Variants in ASTN2 observed in about 807,000 individuals in gnomAD.
The protein encoded by ASTN2 is astrotactin 2.
ASTN2 carries 54 observed loss-of-function variants against 139.8 expected under a neutral mutation model. That is an observed-to-expected ratio of 0.39 (90% confidence interval 0.31 to 0.48). The LOEUF is 0.48. ASTN2 is among the 20% of genes least tolerant of loss of function. The probability of loss-of-function intolerance (pLI) is 0.95; values close to 1 mark genes in which losing one functional copy is unlikely to be tolerated. For synonymous variants in ASTN2, 756 were observed against 719.5 expected (o/e 1.05, Z -0.81); for missense variants, 1,565 against 1,725.1 (o/e 0.91, Z 1.64).
chr9:117,390,139 C>G (rs1269909852), intron 1 of ASTN2, among the ~76,000 whole-genome samples: 1 of 152,130 alleles, frequency 6.6e-6, no homozygotes, highest in East Asian at 1.9e-4. Context: ...ACAATTTAGC[C>G]TAGGGTAGGG....
At chr9:116,917,131 C>A (rs1834471196) in intron 10 of ASTN2, among the ~76,000 whole-genome samples, 1 of 152,084 alleles carries the variant, frequency 6.6e-6, no homozygotes, top group Non-Finnish European at 1.5e-5. Flanking sequence ...GCCCCAAGAG[C>A]TTTTTCTCAC....
At chr9:117,345,623 C>G (rs982757716) in intron 1 of ASTN2, among the ~76,000 whole-genome samples, 3 of 152,060 alleles carry the variant, frequency 2.0e-5, no homozygotes, top group African/African-American at 7.2e-5. Context: ...TAAACAAAAA[C>G]AAATGCAGGT....
In ASTN2 at chr9:116,423,824, A is replaced by C. The variant is rs1032735010; in HGVS notation, c.*2027T>G. The stretch of plus-strand genomic sequence containing the variant: ...AGTCCTGGGGAAAAAAATGCGCTCA[A>C]TATGTAGGTTATCAGGAAGGGGATT... On this transcript the variant is annotated 3_prime_UTR_variant, in exon 23 of 23. Transcript: ENST00000313400. Among the ~76,000 whole-genome samples, 1 of 152,190 alleles carries C rather than the reference A, an allele frequency of 6.6e-6. No homozygotes were observed. Among genetic ancestry groups the C allele is most frequent in the African/African-American group, 2.4e-5 (1 of 41,426 alleles).
At chr9:117,277,200 A>T (rs184777222) in intron 2 of ASTN2, 1 of 152,332 alleles carries the variant, frequency 6.6e-6, no homozygotes. Context: ...CGCCCCTGCT[A>T]GAACCTCCAA....
At chr9:117,128,779 C>T (rs946250516) in intron 4 of ASTN2, among the ~76,000 whole-genome samples, 2 of 152,232 alleles carry the variant, frequency 1.3e-5, no homozygotes, top group African/African-American at 2.4e-5. Flanking sequence ...ATTGAACTTA[C>T]AGTTCCAGTT....
chr9:117,028,820 T>A (rs768274543), intron 6 of ASTN2, among the ~76,000 whole-genome samples: 2 of 152,110 alleles, frequency 1.3e-5, no homozygotes, highest in Non-Finnish European at 2.9e-5. Flanking sequence ...ACTTGGAAGG[T>A]CATGTCCATC....
At chr9:116,470,213 A>T (rs1362341953) in intron 20 of ASTN2, among the ~76,000 whole-genome samples, 1 of 152,142 alleles carries the variant, frequency 6.6e-6, no homozygotes, top group Non-Finnish European at 1.5e-5. Flanking sequence ...CAAAAATAAA[A>T]ATAAAAAATA....
At chr9:117,042,582 T>C (rs1838609940) in intron 5 of ASTN2, among the ~76,000 whole-genome samples, 1 of 152,132 alleles carries the variant, frequency 6.6e-6, no homozygotes, top group Admixed American at 6.5e-5. Flanking sequence ...AAAATGAACA[T>C]GATTATCTCT....
intron 2 of ASTN2, among the ~76,000 whole-genome samples, chr9:117,276,821 T>G (rs1834202281): frequency 6.6e-6 from 1 of 152,204 alleles, no homozygotes; most frequent in Non-Finnish European, 1.5e-5. Flanking sequence ...AGCTGTGTGG[T>G]CTTGGGCAAG....
intron 16 of ASTN2, among the ~76,000 whole-genome samples, chr9:116,685,933 T>C (rs903757497): frequency 1.3e-5 from 2 of 152,046 alleles, no homozygotes; most frequent in Admixed American, 6.5e-5. Context: ...GTCCTAAATT[T>C]ATACTTTGGG....
intron 19 of ASTN2, among the ~76,000 whole-genome samples, chr9:116,532,306 T>C (rs1392048197): frequency 6.6e-6 from 1 of 152,224 alleles, no homozygotes; most frequent in East Asian, 1.9e-4. Flanking sequence ...TCCCATTCTG[T>C]AGGTTGCTTG....
chr9:117,084,803 T>C (rs932695095), intron 5 of ASTN2, among the ~76,000 whole-genome samples: 6 of 152,240 alleles, frequency 3.9e-5, no homozygotes, highest in African/African-American at 1.4e-4. Flanking sequence ...TTCTCGATGC[T>C]GGCTAATATT....
At chr9:116,899,638 C>G (rs112877530) in intron 10 of ASTN2, among the ~76,000 whole-genome samples, 241 of 152,292 alleles carry the variant, frequency 1.6e-3, no homozygotes, top group African/African-American at 5.6e-3. Context: ...AGGAGGAATT[C>G]AGTTTACAGT....
At chr9:117,149,835 CA>C (rs1830287784) in intron 3 of ASTN2, among the ~76,000 whole-genome samples, 1 of 152,190 alleles carries the variant, frequency 6.6e-6, no homozygotes, top group African/African-American at 2.4e-5. Context: ...TTCCAACTCT[CA>C]GGGGTAAAAA....
chr9:117,363,600 AGAGAG>A (rs1829752561), intron 1 of ASTN2, among the ~76,000 whole-genome samples: 1 of 152,068 alleles, frequency 6.6e-6, no homozygotes, highest in Non-Finnish European at 1.5e-5. Flanking sequence ...ATCAGCAGAT[AGAGAG>A]GACATTTTTG....
intron 16 of ASTN2, among the ~76,000 whole-genome samples, chr9:116,673,872 C>T (rs1028615860): frequency 6.6e-6 from 1 of 152,166 alleles, no homozygotes; most frequent in African/African-American, 2.4e-5. Context: ...ACTGATGAAG[C>T]CACCTTTGCT....
At chr9:117,296,090 C>A (rs899330322) in intron 1 of ASTN2, among the ~76,000 whole-genome samples, 1 of 151,348 alleles carries the variant, frequency 6.6e-6, no homozygotes, top group Non-Finnish European at 1.5e-5. Flanking sequence ...CCAGCCAGGC[C>A]AATATGGTGA....
chr9:116,469,082 A>C (rs1489275888), intron 20 of ASTN2, among the ~76,000 whole-genome samples: 1 of 152,222 alleles, frequency 6.6e-6, no homozygotes, highest in Non-Finnish European at 1.5e-5. Context: ...CGTGAGTTCC[A>C]TGGAAGCAGA....
In ASTN2 at chr9:117,099,356, C is replaced by T. The variant is rs909584587; in HGVS notation, c.1169-3205G>A. Among the ~76,000 whole-genome samples, 6 of 152,158 alleles carry T rather than the reference C, an allele frequency of 3.9e-5. No homozygotes were observed. The South Asian group carries it at 6.2e-4, about 16-fold the overall frequency. ...TTGAAACATTTCAGCAAAATTCTCA[C>T]TCCCTTCCTTCCTTCCAATCTCCAC... On this transcript the variant is annotated intron_variant, in intron 4 of 22. Coordinates refer to ENST00000313400, the MANE Select transcript of ASTN2 (RefSeq NM_001365068.1).
Sources: allele counts gnomAD v4.1 joint callset (sites outside exome capture counted in the v4.1 genomes callset), GRCh38; gene constraint gnomAD v4.1.1; transcripts MANE v1.5; gene names NCBI Gene and HGNC (gene_info 2026-07-23, HGNC 2026-07-21).